CUL3: variants seen among roughly 807,000 people sequenced by gnomAD.
CUL3 encodes the protein cullin 3.
A neutral mutation model predicts 89.1 loss-of-function variants in CUL3; 19 were observed. That is an observed-to-expected ratio of 0.21 (90% CI 0.15 to 0.31). The LOEUF is 0.31. Among genes scored for constraint, CUL3 ranks in the 10% least tolerant of loss-of-function variants. The pLI, the probability that CUL3 is intolerant of heterozygous loss-of-function variation, is 1.00. For missense variants in CUL3, 469 were observed against 942.3 expected (o/e 0.50, Z 6.58); for synonymous variants, 351 against 308.4 (o/e 1.14, Z -1.45).
At chr2:224,508,326 C>T (rs1198528764) in intron 6 of CUL3, among the ~76,000 whole-genome samples, 6 of 152,074 alleles carry the variant, frequency 3.9e-5, no homozygotes, top group African/African-American at 1.4e-4. Flanking sequence ...CCATAGTAAC[C>T]TACACATGGC....
chr2:224,483,425 T>C (rs1186294123), intron 13 of CUL3, among the ~76,000 whole-genome samples: 2 of 152,158 alleles, frequency 1.3e-5, no homozygotes, highest in Non-Finnish European at 2.9e-5. Flanking sequence ...GTATATATAA[T>C]GAGAGAGTTA....
chr2:224,488,550 C>T (rs1279889057), intron 13 of CUL3, among the ~76,000 whole-genome samples: 1 of 152,144 alleles, frequency 6.6e-6, no homozygotes, highest in Non-Finnish European at 1.5e-5. Context: ...CATACACCCT[C>T]CCAAGACTAA....
At chr2:224,576,177 T>C (rs1695292370) in intron 1 of CUL3, among the ~76,000 whole-genome samples, 1 of 152,132 alleles carries the variant, frequency 6.6e-6, no homozygotes, top group South Asian at 2.1e-4. Context: ...TCAAGGACTG[T>C]AATAGAAACC....
rs2106220604 is a variant in CUL3, at chr2:224,513,548, C to CA, written c.629dup (p.Leu210PhefsTer20). On this transcript the variant is annotated frameshift_variant, in exon 5 of 16. Coordinates refer to ENST00000264414, the MANE Select transcript of CUL3 (RefSeq NM_003590.5). LOFTEE classifies it high-confidence loss of function. ...CCTGAAAAAATTCTGCAGACATTTC[C>CA]AAAAAAGGAGCCTCAAAATCTTCTT... is the stretch of plus-strand genomic sequence containing the variant. 3 of 1,595,196 alleles carry CA rather than the reference C, an allele frequency of 1.9e-6. No homozygotes were observed. Among genetic ancestry groups the CA allele is most frequent in the Admixed American group, 1.8e-5 (1 of 55,150 alleles).
At chr2:224,484,696 A>C (rs1691653635) in intron 13 of CUL3, among the ~76,000 whole-genome samples, 1 of 152,176 alleles carries the variant, frequency 6.6e-6, no homozygotes, top group South Asian at 2.1e-4. Flanking sequence ...ATAGATTTGC[A>C]CTTATATTTA....
chr2:224,484,753 A>G (rs2106157407), intron 13 of CUL3, among the ~76,000 whole-genome samples: 1 of 152,298 alleles, frequency 6.6e-6, no homozygotes, highest in South Asian at 2.1e-4. Context: ...GATCCATGGA[A>G]TTGAGGTCTT....
At chr2:224,499,515 C>G (rs1692293455) in intron 11 of CUL3, 2 of 233,090 alleles carry the variant, frequency 8.6e-6, no homozygotes, top group African/African-American at 4.6e-5. Flanking sequence ...TAACAGTTCA[C>G]CAGTAGATGT....
intron 13 of CUL3, among the ~76,000 whole-genome samples, chr2:224,488,287 G>C (rs1204673679): frequency 6.6e-6 from 1 of 151,128 alleles, no homozygotes; most frequent in South Asian, 2.1e-4. Flanking sequence ...AAGGAGATAA[G>C]AGAAACAGAA....
chr2:224,474,226 T>A lies in CUL3; in HGVS notation c.*19A>T, dbSNP rs1053271536. The stretch of plus-strand genomic sequence containing the variant: ...GCGAAGAGTACAGTCCAAGAATAAA[T>A]CAAATTTCTGAACGCATTTTATGCT... On this transcript the variant is annotated 3_prime_UTR_variant, in exon 16 of 16. Transcript: ENST00000264414. The A allele has an allele frequency of 6.2e-7, 1 of 1,610,570 alleles. No individual in the cohort carries two copies. The highest frequency in any genetic ancestry group is 1.3e-5 in the African/African-American group (1 of 74,744).
Position 224,570,411 on chromosome 2 carries a change from A to G in CUL3, c.67-12555T>C, listed in dbSNP as rs557427664. On this transcript the variant is annotated intron_variant, in intron 1 of 15. Coordinates refer to ENST00000264414, the MANE Select transcript of CUL3 (RefSeq NM_003590.5). ...ATTTGCTTGTGGCCAGAGAAACGTG[A>G]GACGGTGGACTGTGGGGTAATTAAG... Among the ~76,000 whole-genome samples the G allele has an allele frequency of 8.5e-5, 13 of 152,350 alleles. No homozygotes were observed. The South Asian group carries it at 2.7e-3, about 32-fold the overall frequency.
chr2:224,546,695 A>C (rs1451410485), intron 2 of CUL3, among the ~76,000 whole-genome samples: 1 of 152,052 alleles, frequency 6.6e-6, no homozygotes, highest in African/African-American at 2.4e-5. Flanking sequence ...CTCAAAGTAC[A>C]GTCTACCTAA....
At chr2:224,570,772 T>C (rs182091736) in intron 1 of CUL3, among the ~76,000 whole-genome samples, 28 of 152,188 alleles carry the variant, frequency 1.8e-4, no homozygotes, top group Non-Finnish European at 3.8e-4. Context: ...ACATTCATAA[T>C]GAGAAAGTTA....
intron 5 of CUL3, among the ~76,000 whole-genome samples, chr2:224,513,159 T>A (rs1267528700): frequency 6.6e-6 from 1 of 152,208 alleles, no homozygotes; most frequent in Non-Finnish European, 1.5e-5. Flanking sequence ...AATCAACTGT[T>A]TATGTTATCT....
intron 1 of CUL3, among the ~76,000 whole-genome samples, chr2:224,566,233 G>A (rs996843013): frequency 1.3e-5 from 2 of 152,178 alleles, no homozygotes; most frequent in Admixed American, 6.5e-5. Flanking sequence ...ACTTCCTGAC[G>A]TCAGGGACAA....
At chr2:224,517,608 G>A (rs1016977302) in intron 3 of CUL3, among the ~76,000 whole-genome samples, 5 of 152,210 alleles carry the variant, frequency 3.3e-5, no homozygotes, top group African/African-American at 1.2e-4. Context: ...AGTAGACAGA[G>A]GCTGCAATGA....
chr2:224,541,611 C>G (rs1206721963), intron 2 of CUL3, among the ~76,000 whole-genome samples: 1 of 152,158 alleles, frequency 6.6e-6, no homozygotes, highest in Non-Finnish European at 1.5e-5. Flanking sequence ...AAAAATCACA[C>G]ACAAATGTTC....
rs542203601 is a variant in CUL3 at position 224,561,427 on chromosome 2, T to C, written c.67-3571A>G. On this transcript the variant is annotated intron_variant, in intron 1 of 15. Transcript: ENST00000264414. ...CCAAGTCACGTCTGATGTGTATGAATGTGAAAAGAGGAAGGAGTAGGCAAA... is the reference window on the plus strand; with the variant it reads ...CCAAGTCACGTCTGATGTGTATGAACGTGAAAAGAGGAAGGAGTAGGCAAA... 1.5e-4 allele frequency among the ~76,000 whole-genome samples: 23 copies of C among 152,276 alleles called. No individual in the cohort carries two copies. The East Asian group carries it at 3.5e-3, about 23-fold the overall frequency.
At chr2:224,502,098 A>G (rs1267420258) in intron 10 of CUL3, among the ~76,000 whole-genome samples, 1 of 152,240 alleles carries the variant, frequency 6.6e-6, no homozygotes, top group Non-Finnish European at 1.5e-5. Context: ...TATTTACATT[A>G]GAGTCAGAAT....
intron 1 of CUL3, among the ~76,000 whole-genome samples, chr2:224,575,516 G>C (rs1695278515): frequency 6.6e-6 from 1 of 152,068 alleles, no homozygotes; most frequent in Admixed American, 6.5e-5. Flanking sequence ...AGAATAAATG[G>C]GTCTTCCTGA....
Sources: gnomAD v4.1 joint callset for allele counts (sites outside exome capture counted in the v4.1 genomes callset) on GRCh38, gnomAD v4.1.1 for gene constraint, MANE v1.5 for transcripts, NCBI Gene and HGNC (gene_info 2026-07-23, HGNC 2026-07-21) for gene names.